PAPPA2: variants seen among roughly 807,000 people sequenced by gnomAD.
PAPPA2 encodes pappalysin-2.
PAPPA2 carries 86 observed loss-of-function variants against 176.4 expected under a neutral mutation model. The observed-to-expected ratio is 0.49, with a 90% CI of 0.41 to 0.58. The LOEUF (loss-of-function observed/expected upper bound fraction) is 0.58, where lower values mean the gene tolerates loss of function less well. Ranked by LOEUF, PAPPA2 falls within the 20% of genes least tolerant of loss-of-function variation. PAPPA2 has a pLI of 0.00. For missense variants in PAPPA2, 2,073 were observed against 2,256.9 expected, an observed-to-expected ratio of 0.92 and a Z score of 1.65; for synonymous variants, 809 against 852.2, an observed-to-expected ratio of 0.95 and a Z score of 0.88.
rs138670914 is a variant in PAPPA2, at chr1:176,837,117, TC to T, written c.5203-3055del. ...CGGTATTCGTAGGGCAGACTGACAG[TC>T]TTTCCTTTTCGTATTCCACCACTTG... On this transcript the variant is annotated intron_variant, in intron 21 of 22. Coordinates refer to ENST00000367662, the MANE Select transcript of PAPPA2 (RefSeq NM_020318.3). Among the ~76,000 whole-genome samples the T allele has an allele frequency of 9.2e-3, 1,394 of 152,264 alleles. 23 individuals are homozygous for T. Among genetic ancestry groups the T allele is most frequent in the African/African-American group, 0.032 (1,326 of 41,550 alleles).
chr1:176,666,602 T>TGAGAGA (rs1449262882), intron 3 of PAPPA2, among the ~76,000 whole-genome samples: 6 of 119,684 alleles, frequency 5.0e-5, no homozygotes, highest in African/African-American at 2.2e-4. Flanking sequence ...TGTGTGTGTG[T>TGAGAGA]GTGTGTGAGA....
At chr1:176,490,757 C>G (rs1647245692) in intron 1 of PAPPA2, among the ~76,000 whole-genome samples, 1 of 152,112 alleles carries the variant, frequency 6.6e-6, no homozygotes, top group South Asian at 2.1e-4. Flanking sequence ...CTTGCACTGT[C>G]ATGAGAAAAG....
intron 3 of PAPPA2, among the ~76,000 whole-genome samples, chr1:176,623,498 C>T (rs2102694903): frequency 6.6e-6 from 1 of 152,202 alleles, no homozygotes; most frequent in Non-Finnish European, 1.5e-5. Flanking sequence ...ACAGCTAGTC[C>T]TCCTTTTATG....
chr1:176,617,206 T>G lies in PAPPA2; in HGVS notation c.1991+21611T>G, dbSNP rs76207169. Reference sequence around the variant, plus strand: ...TCTTCACTGCCCTTCAGAAACTCAATGTGTGACCAAGAACACCACAGAACT... The same window carrying G: ...TCTTCACTGCCCTTCAGAAACTCAAGGTGTGACCAAGAACACCACAGAACT... On this transcript the variant is annotated intron_variant, in intron 3 of 22. Coordinates refer to ENST00000367662, the MANE Select transcript of PAPPA2 (RefSeq NM_020318.3). Among the ~76,000 whole-genome samples, 1,130 of 152,254 alleles carry G rather than the reference T, an allele frequency of 7.4e-3. 18 individuals carry two copies. The highest frequency in any genetic ancestry group is 0.025 in the African/African-American group (1,042 of 41,534).
intron 9 of PAPPA2, 106 bp from the exon 10 acceptor site, chr1:176,706,253 C>T (rs1366104263): frequency 1.2e-5 from 12 of 968,974 alleles, no homozygotes; most frequent in South Asian, 6.7e-5. Flanking sequence ...TTCCAACTTG[C>T]ACTTTTTAAT....
intron 1 of PAPPA2, among the ~76,000 whole-genome samples, chr1:176,515,192 T>G (rs770713304): frequency 6.6e-6 from 1 of 152,292 alleles, no homozygotes; most frequent in Non-Finnish European, 1.5e-5. Context: ...CAATAACTGT[T>G]AGCAAATATC....
chr1:176,623,804 TTTC>T (rs778276381), intron 3 of PAPPA2, among the ~76,000 whole-genome samples: 58 of 109,842 alleles, frequency 5.3e-4, no homozygotes, highest in Non-Finnish European at 6.2e-4. Context: ...TCTTTCTTTC[TTTC>T]TTCTTTCTTT....
At position 176,740,053 on chromosome 1, in the gene PAPPA2, C is replaced by A. The variant is rs183508026; in HGVS notation, c.4008C>A (p.His1336Gln). 1 of 1,613,968 alleles carries A rather than the reference C, an allele frequency of 6.2e-7. No homozygotes were observed. The highest frequency in any genetic ancestry group is 2.2e-5 in the East Asian group (1 of 44,874). Residue 1336 changes from histidine to glutamine, a missense_variant, in exon 14 of 23, where the codon CAC becomes CAA. His to Gln is a conservative substitution (Grantham distance 24, BLOSUM62 0). Coordinates refer to ENST00000367662, the MANE Select transcript of PAPPA2 (RefSeq NM_020318.3). ...CCCATCACCAGAATGTCCTTTTCCA[C>A]CATACCACCTCAGTGCTGCTGAATT... The part of the protein sequence containing the change: ...NVTHHQNVLF[H>Q]HTTSVLLNFS...
chr1:176,509,884 A>G (rs1355983450), intron 1 of PAPPA2, among the ~76,000 whole-genome samples: 2 of 151,698 alleles, frequency 1.3e-5, no homozygotes, highest in African/African-American at 4.8e-5. Context: ...AAAAAAACAC[A>G]TTAGCTGGGC....
chr1:176,616,798 A>G (rs1655288981), intron 3 of PAPPA2: 2 of 849,484 alleles, frequency 2.4e-6, no homozygotes, highest in Non-Finnish European at 1.9e-6. Context: ...GTATTAATTT[A>G]GTTAAAAAAT....
chr1:176,518,818 A>G (rs1649062672), intron 1 of PAPPA2, among the ~76,000 whole-genome samples: 1 of 152,160 alleles, frequency 6.6e-6, no homozygotes, highest in Non-Finnish European at 1.5e-5. Flanking sequence ...TAGGCTCAAT[A>G]GGAATTCAGG....
intron 12 of PAPPA2, among the ~76,000 whole-genome samples, chr1:176,738,421 C>G (rs1437630606): frequency 2.6e-5 from 4 of 152,020 alleles, no homozygotes; most frequent in Admixed American, 1.3e-4. Flanking sequence ...ACTGCCAAGG[C>G]TCAGGAAAAA....
At chr1:176,506,528 T>C (rs1269644464) in intron 1 of PAPPA2, among the ~76,000 whole-genome samples, 3 of 152,148 alleles carry the variant, frequency 2.0e-5, no homozygotes, top group African/African-American at 7.2e-5. Context: ...CTGATTTCTT[T>C]CAGCAGTGTT....
At chr1:176,550,438 C>T (rs557839045) in intron 1 of PAPPA2, among the ~76,000 whole-genome samples, 5 of 152,146 alleles carry the variant, frequency 3.3e-5, no homozygotes, top group East Asian at 1.9e-4. Context: ...GTCGGATGAG[C>T]GGGGAAGAAC....
chr1:176,546,513 G>A (rs182950755), intron 1 of PAPPA2, among the ~76,000 whole-genome samples: 41 of 152,172 alleles, frequency 2.7e-4, no homozygotes, highest in Non-Finnish European at 1.5e-4. Flanking sequence ...ATTAACAATA[G>A]GAATAGTCAA....
At chr1:176,617,133 T>G (rs911705240) in intron 3 of PAPPA2, among the ~76,000 whole-genome samples, 1 of 152,202 alleles carries the variant, frequency 6.6e-6, no homozygotes, top group African/African-American at 2.4e-5. Context: ...GTAATCAATT[T>G]CTACAGTTCA....
intron 3 of PAPPA2, among the ~76,000 whole-genome samples, chr1:176,650,565 C>G (rs754845846): frequency 6.6e-6 from 1 of 151,620 alleles, no homozygotes; most frequent in Non-Finnish European, 1.5e-5. Flanking sequence ...CACATCCCCC[C>G]ACCCCATGAC....
At chr1:176,818,115 A>C (rs1666482004) in intron 21 of PAPPA2, among the ~76,000 whole-genome samples, 1 of 152,150 alleles carries the variant, frequency 6.6e-6, no homozygotes. Flanking sequence ...AATGGTGAAG[A>C]GTGTTAAATG....
At chr1:176,602,313 A>C (rs1171899980) in intron 3 of PAPPA2, among the ~76,000 whole-genome samples, 1 of 152,190 alleles carries the variant, frequency 6.6e-6, no homozygotes, top group African/African-American at 2.4e-5. Context: ...CCTCTAAAGA[A>C]GTCCTCAAGA....
Sources: allele counts gnomAD v4.1 joint callset (sites outside exome capture counted in the v4.1 genomes callset), GRCh38; gene constraint gnomAD v4.1.1; transcripts MANE v1.5; gene names NCBI Gene and HGNC (gene_info 2026-07-23, HGNC 2026-07-21).